Variants in CEP250 observed in about 807,000 individuals in gnomAD.
CEP250 encodes the protein centrosome-associated protein CEP250.
CEP250 carries 242 observed loss-of-function variants against 315.7 expected under a neutral mutation model. The observed-to-expected ratio is 0.77, with a 90% CI of 0.69 to 0.85. The LOEUF is 0.85. Among genes scored for constraint, CEP250 ranks in the 40% least tolerant of loss-of-function variants. The pLI is 0.00. For synonymous variants in CEP250, 1,088 were observed against 1,175.0 expected (o/e 0.93, Z 1.51); for missense variants, 2,515 against 2,886.4 (o/e 0.87, Z 2.95).
Position 35,512,933 on chromosome 20 carries a change from A to G in CEP250, c.*1307A>G, listed in dbSNP as rs2064389459. 1 of 152,314 alleles carries G rather than the reference A, an allele frequency of 6.6e-6. No homozygotes were observed. The highest frequency in any genetic ancestry group is 1.5e-5 in the Non-Finnish European group (1 of 68,150). The allele number at this position is 152,314 out of a possible 1,614,324, so 9.4% of individuals were successfully genotyped here. On this transcript the variant is annotated 3_prime_UTR_variant, in exon 35 of 35. Transcript: ENST00000397527. ...CCACCATAATCTGGAATTCCTCTTTACTAAGCCTGGGGATGGAACTGAGAC... is the reference window on the plus strand; with the variant it reads ...CCACCATAATCTGGAATTCCTCTTTGCTAAGCCTGGGGATGGAACTGAGAC...
chr20:35,468,493 A>G (rs1265905439), intron 9 of CEP250, among the ~76,000 whole-genome samples: 2 of 152,206 alleles, frequency 1.3e-5, no homozygotes, highest in East Asian at 1.9e-4. Flanking sequence ...GACAAAGTTC[A>G]TATATGCCCA....
chr20:35,471,720 C>T lies in CEP250; in HGVS notation c.949-330C>T, dbSNP rs185141707. On this transcript the variant is annotated intron_variant, in intron 10 of 34. Transcript: ENST00000397527. The stretch of plus-strand genomic sequence containing the variant: ...GACACTATATTGAATAATTTACATG[C>T]ATTTTTCATTTAAGCCTCAAAACAA... 1.7e-3 allele frequency among the ~76,000 whole-genome samples: 264 copies of T among 152,308 alleles called. 2 individuals carry two copies. Among genetic ancestry groups the T allele is most frequent in the Middle Eastern group, 3.4e-3 (1 of 294 alleles).
In CEP250 at chr20:35,475,664, C is replaced by T; in HGVS notation, c.1716+18C>T. On this transcript the variant is annotated intron_variant, in intron 15 of 34. Transcript: ENST00000397527. ...TGGCTAGGGTGCGTGGCCTCCTCTC[C>T]TCACTTGCTGGGTGGGCGGCTTCGA... The T allele has an allele frequency of 6.2e-7, 1 of 1,611,672 alleles. No homozygotes were observed. The highest frequency in any genetic ancestry group is 8.5e-7 in the Non-Finnish European group (1 of 1,179,170).
At chr20:35,459,717 G>A (rs562439070) in intron 2 of CEP250, among the ~76,000 whole-genome samples, 7 of 152,006 alleles carry the variant, frequency 4.6e-5, no homozygotes, top group South Asian at 4.2e-4. Context: ...TTGAGGCTGC[G>A]GTGAGCTATG....
intron 16 of CEP250, among the ~76,000 whole-genome samples, chr20:35,477,080 G>A: frequency 6.7e-6 from 1 of 150,352 alleles, no homozygotes; most frequent in South Asian, 2.1e-4. Flanking sequence ...GCACGATCTT[G>A]GCTCGCTGCA....
rs201881343 is a variant in CEP250 at position 35,500,003 on chromosome 20, G to A, written c.3778-46G>A. On this transcript the variant is annotated intron_variant, in intron 27 of 34. Transcript: ENST00000397527. ...GAGAGCTTGAGCCCTGCATTGTTTT[G>A]TGGAAGATGAGGAACTCACGTTTAG... The A allele has an allele frequency of 3.9e-5, 63 of 1,612,270 alleles. No homozygotes were observed. The Admixed American group carries it at 8.2e-4, about 21-fold the overall frequency.
intron 20 of CEP250, among the ~76,000 whole-genome samples, chr20:35,486,645 A>AT (rs1161356698): frequency 2.0e-5 from 3 of 152,122 alleles, no homozygotes; most frequent in Admixed American, 6.5e-5. Flanking sequence ...TTTATCCAGC[A>AT]TTTTTTGCGA....
At chr20:35,501,524 C>T (rs2064002171) in intron 28 of CEP250, among the ~76,000 whole-genome samples, 1 of 152,082 alleles carries the variant, frequency 6.6e-6, no homozygotes, top group African/African-American at 2.4e-5. Flanking sequence ...TAGAAGGAAC[C>T]TCCAGTGTCA....
intron 11 of CEP250, 89 bp downstream of exon 11, chr20:35,472,240 T>G (rs1212050493): frequency 2.5e-6 from 2 of 805,668 alleles, no homozygotes; most frequent in Non-Finnish European, 4.3e-6. Flanking sequence ...AGATTTCCAG[T>G]CTCTGAGGTT....
Position 35,500,137 on chromosome 20 carries a change from A to G in CEP250, c.3866A>G (p.Asp1289Gly). 1 of 1,614,138 alleles carries G rather than the reference A, an allele frequency of 6.2e-7. No individual in the cohort carries two copies. Among genetic ancestry groups the G allele is most frequent in the Non-Finnish European group, 8.5e-7 (1 of 1,180,032 alleles). Residue 1289 changes from aspartate to glycine, a missense_variant, in exon 28 of 35, where the codon GAT becomes GGT. Coordinates refer to ENST00000397527, the MANE Select transcript of CEP250 (RefSeq NM_007186.6). ...AGCCAGGTCCACACAGAGTTGCAGG[A>G]TCTGCAGAGACAGCTCTCCCAGAAT... ...EKSQVHTELQDLQRQLSQNQE... is the reference protein window; with the variant it reads ...EKSQVHTELQGLQRQLSQNQE...
chr20:35,505,800 G>C (rs766868762), intron 30 of CEP250, among the ~76,000 whole-genome samples: 13 of 151,574 alleles, frequency 8.6e-5, no homozygotes, highest in African/African-American at 2.9e-4. Context: ...GGGACAGAGG[G>C]AGGATTTGGG....
rs1247759546 is a variant in CEP250 at position 35,466,197 on chromosome 20, A to G, written c.485A>G (p.Glu162Gly). The G allele has an allele frequency of 6.3e-7, 1 of 1,589,920 alleles. No individual in the cohort carries two copies. The highest frequency in any genetic ancestry group is 1.8e-5 in the Admixed American group (1 of 57,084). ...AGGAAGGAGAGCCAGTGGCAGATGG[A>G]GCAGGAGGTAGGAAGAACGGGGACT... ...LMRKESQWQM[E>G]QEFFKGYLKG... Residue 162 changes from glutamate to glycine, a missense_variant, in exon 7 of 35, where the codon GAG (glutamate) becomes GGG (glycine). Glu to Gly is a moderately conservative substitution (Grantham distance 98). Coordinates refer to ENST00000397527, the MANE Select transcript of CEP250 (RefSeq NM_007186.6).
Position 35,463,615 on chromosome 20 carries a change from G to A in CEP250, c.227G>A (p.Arg76Gln), listed in dbSNP as rs199579943. The A allele has an allele frequency of 1.5e-4, 239 of 1,609,058 alleles. No homozygotes were observed. The highest frequency in any genetic ancestry group is 2.9e-4 in the East Asian group (13 of 44,464). ...YRSWCQELEK[R>Q]LEATGGPIPQ... ...AGCTGGTGCCAAGAGCTGGAGAAGC[G>A]GCTAGAAGCCACTGGAGTGAGTGAG... The change falls in exon 5 of 35, where the codon CGG becomes CAG. Residue 76 changes from arginine to glutamine, a missense_variant. Arg to Gln is a conservative substitution (Grantham distance 43). Coordinates refer to ENST00000397527, the MANE Select transcript of CEP250 (RefSeq NM_007186.6).
intron 12 of CEP250, 104 bp downstream of exon 12, chr20:35,472,935 C>A: frequency 8.5e-7 from 1 of 1,170,214 alleles, no homozygotes; most frequent in Non-Finnish European, 1.2e-6. Flanking sequence ...ACTTTTTTGA[C>A]CAGTCATGAG....
In CEP250 at chr20:35,479,772, A is replaced by G. The variant is rs750510775; in HGVS notation, c.2415A>G (p.Gln805=). Residue 805 remains glutamine, a splice_region_variant and synonymous_variant, in exon 19 of 35, where the codon CAA becomes CAG. Transcript: ENST00000397527. ...QTVTQAKEVI[Q]GEVRCLKLEL... ...TCACTCAAGCCAAGGAAGTAATCCA[A>G]GGTGAGAACCCAACTGGGATGGGAT... 3 of 1,614,198 alleles carry G rather than the reference A, an allele frequency of 1.9e-6. No individual in the cohort carries two copies. Among genetic ancestry groups the G allele is most frequent in the Non-Finnish European group, 2.5e-6 (3 of 1,180,024 alleles).
chr20:35,474,198 C>A, intron 14 of CEP250, 146 bp downstream of exon 14: 2 of 692,346 alleles, frequency 2.9e-6, no homozygotes, highest in Non-Finnish European at 4.5e-6. Flanking sequence ...TCTTCCTTTG[C>A]AGAAAGATGA....
At chr20:35,458,964 ATCTTT>A (rs1364850160) in intron 2 of CEP250, among the ~76,000 whole-genome samples, 1,332 of 91,362 alleles carry the variant, frequency 0.015, 33 homozygotes, top group African/African-American at 0.059. Flanking sequence ...TATAATGCAA[ATCTTT>A]TTTTTTTTTT....
At chr20:35,478,880 A>G (rs868529811) in intron 17 of CEP250, among the ~76,000 whole-genome samples, 1 of 152,098 alleles carries the variant, frequency 6.6e-6, no homozygotes, top group African/African-American at 2.4e-5. Context: ...AAAACCTCTC[A>G]TTGTCCTAAT....
rs900264146 is a variant in CEP250 at position 35,459,628 on chromosome 20, A to G, written c.-226-355A>G. 3.2e-3 allele frequency among the ~76,000 whole-genome samples: 228 copies of G among 70,596 alleles called. 2 individuals are homozygous for G. Among genetic ancestry groups the G allele is most frequent in the Non-Finnish European group, 4.2e-3 (161 of 38,694 alleles). 46.3% of individuals were successfully genotyped at this position (70,596 alleles called of 152,430 possible). The stretch of plus-strand genomic sequence containing the variant: ...GGCAAAACCTTGTCTCTACCAAAGA[A>G]AAAAAAAAAAAGCCTCGGTGGCACA... On this transcript the variant is annotated intron_variant, in intron 2 of 34. Transcript: ENST00000397527.
Sources: gnomAD v4.1 joint callset for allele counts (sites outside exome capture counted in the v4.1 genomes callset) on GRCh38, gnomAD v4.1.1 for gene constraint, MANE v1.5 for transcripts, NCBI Gene and HGNC (gene_info 2026-07-23, HGNC 2026-07-21) for gene names.